TTBK2: variants seen among roughly 807,000 people sequenced by gnomAD.
TTBK2 encodes the protein tau-tubulin kinase 2.
Under a neutral mutation model 110.8 loss-of-function variants are expected in TTBK2, and 28 were observed. The ratio of observed to expected loss-of-function variants is 0.25; its 90% confidence interval spans 0.19 to 0.35. The LOEUF (loss-of-function observed/expected upper bound fraction) is 0.35. Ranked by LOEUF, TTBK2 falls within the 10% of genes least tolerant of loss-of-function variation. TTBK2 has a pLI of 1.00. For missense variants in TTBK2, 1,369 were observed against 1,500.3 expected (o/e 0.91, Z 1.45); for synonymous variants, 532 against 527.3 (o/e 1.01, Z -0.12).
At chr15:42,805,124 G>A (rs932024029) in intron 9 of TTBK2, among the ~76,000 whole-genome samples, 1 of 152,148 alleles carries the variant, frequency 6.6e-6, no homozygotes, top group African/African-American at 2.4e-5. Flanking sequence ...TGTCCTAGGT[G>A]CTGGGAATAC....
chr15:42,830,787 T>C (rs1480535250), intron 4 of TTBK2, among the ~76,000 whole-genome samples: 1 of 151,946 alleles, frequency 6.6e-6, no homozygotes, highest in Non-Finnish European at 1.5e-5. Context: ...GGGCGGATCA[T>C]GAGGTCAGGA....
At chr15:42,865,513 T>TA (rs60116704) in intron 3 of TTBK2, among the ~76,000 whole-genome samples, 20,654 of 109,098 alleles carry the variant, frequency 0.19, 1,614 homozygotes, top group African/African-American at 0.26. Flanking sequence ...ATAATAATAC[T>TA]AAAAAAAAAA....
chr15:42,848,253 C>T (rs1207845704), intron 3 of TTBK2, among the ~76,000 whole-genome samples: 3 of 152,016 alleles, frequency 2.0e-5, no homozygotes, highest in Non-Finnish European at 4.4e-5. Flanking sequence ...TTTGGCTACT[C>T]TAGGTCCTTT....
In TTBK2 at chr15:42,829,347, C is replaced by T. The variant is rs544228454; in HGVS notation, c.432+591G>A. 3.3e-5 allele frequency among the ~76,000 whole-genome samples: 5 copies of T among 152,290 alleles called. 2 individuals are homozygous for T. Among genetic ancestry groups the T allele is most frequent in the African/African-American group, 1.2e-4 (5 of 41,552 alleles). On this transcript the variant is annotated intron_variant, in intron 5 of 14. Coordinates refer to ENST00000267890, the MANE Select transcript of TTBK2 (RefSeq NM_173500.4). ...GTCAGGAGAAAAATAAGGTCTTTCA[C>T]AACTGATGATTTCTTATAATTTTTG...
At chr15:42,829,593 G>A (rs1892666928) in intron 5 of TTBK2, among the ~76,000 whole-genome samples, 1 of 152,134 alleles carries the variant, frequency 6.6e-6, no homozygotes, top group Non-Finnish European at 1.5e-5. Context: ...GCTATCCACA[G>A]GAGCGATCAT....
chr15:42,876,316 A>G (rs1255600441), intron 2 of TTBK2, among the ~76,000 whole-genome samples: 1 of 152,138 alleles, frequency 6.6e-6, no homozygotes, highest in East Asian at 1.9e-4. Context: ...CAGATATATT[A>G]GTTCTAATTA....
At chr15:42,806,905 C>T (rs1891492737) in intron 9 of TTBK2, among the ~76,000 whole-genome samples, 1 of 151,706 alleles carries the variant, frequency 6.6e-6, no homozygotes, top group Admixed American at 6.6e-5. Context: ...CCAGTGTGGC[C>T]CAGGGAAGCC....
At chr15:42,784,058 G>A (rs1890302275) in intron 10 of TTBK2, among the ~76,000 whole-genome samples, 2 of 150,484 alleles carry the variant, frequency 1.3e-5, no homozygotes, top group South Asian at 4.2e-4. Context: ...CGAGACTCCA[G>A]CTCAAAAAAC....
At chr15:42,822,383 T>C (rs1309685637) in intron 6 of TTBK2, among the ~76,000 whole-genome samples, 2 of 152,122 alleles carry the variant, frequency 1.3e-5, no homozygotes, top group African/African-American at 4.8e-5. Flanking sequence ...TGAAAGTATT[T>C]AACAATCTAT....
At chr15:42,865,372 A>C (rs565283888) in intron 3 of TTBK2, among the ~76,000 whole-genome samples, 6 of 152,202 alleles carry the variant, frequency 3.9e-5, no homozygotes, top group Non-Finnish European at 8.8e-5. Context: ...AGGTGGGAGG[A>C]TCACTTGAGC....
At chr15:42,872,897 T>C in intron 2 of TTBK2, 139 bp from the exon 3 acceptor site, 1 of 1,075,100 alleles carries the variant, frequency 9.3e-7, no homozygotes, top group South Asian at 1.8e-5. Context: ...TTAAATTAAC[T>C]ATGTATATGC....
chr15:42,879,004 G>A (rs1454863247), intron 1 of TTBK2, among the ~76,000 whole-genome samples: 3 of 152,160 alleles, frequency 2.0e-5, no homozygotes, highest in Non-Finnish European at 4.4e-5. Context: ...ACTATCCTGA[G>A]AACAATATAC....
At chr15:42,800,354 T>C in intron 9 of TTBK2, 2 of 411,770 alleles carry the variant, frequency 4.9e-6, no homozygotes, top group South Asian at 3.6e-5. Flanking sequence ...TGGCAATCAG[T>C]CATCTGACAT....
At chr15:42,821,009 C>G (rs1892269243) in intron 6 of TTBK2, among the ~76,000 whole-genome samples, 1 of 151,582 alleles carries the variant, frequency 6.6e-6, no homozygotes, top group South Asian at 2.1e-4. Flanking sequence ...CCACTCCACT[C>G]CAGCTTGGGT....
chr15:42,918,088 T>C (rs911940966), intron 1 of TTBK2, among the ~76,000 whole-genome samples: 4 of 146,450 alleles, frequency 2.7e-5, no homozygotes, highest in African/African-American at 1.0e-4. Context: ...TATTTATTTA[T>C]TTCAAGAGAT....
chr15:42,907,416 G>A (rs1057347470), intron 1 of TTBK2, among the ~76,000 whole-genome samples: 2 of 152,142 alleles, frequency 1.3e-5, no homozygotes, highest in South Asian at 4.1e-4. Context: ...CAGCCAAAAT[G>A]GAATCAACCT....
chr15:42,821,035 T>C (rs1196512867), intron 6 of TTBK2, among the ~76,000 whole-genome samples: 2 of 151,270 alleles, frequency 1.3e-5, no homozygotes, highest in African/African-American at 4.9e-5. Flanking sequence ...AGTGAGACTT[T>C]GTCTAAAAGA....
At chr15:42,801,352 C>A in intron 9 of TTBK2, 1 of 1,543,850 alleles carries the variant, frequency 6.5e-7, no homozygotes, top group Non-Finnish European at 9.0e-7. Flanking sequence ...GCCTCCAGCT[C>A]AGACAGCTTG....
chr15:42,914,142 A>C (rs2030953913), intron 1 of TTBK2, among the ~76,000 whole-genome samples: 1 of 151,782 alleles, frequency 6.6e-6, no homozygotes, highest in East Asian at 1.9e-4. Flanking sequence ...ATACCCGGCT[A>C]ATTTTTATAT....
Sources: allele counts gnomAD v4.1 joint callset (sites outside exome capture counted in the v4.1 genomes callset), GRCh38; gene constraint gnomAD v4.1.1; transcripts MANE v1.5; gene names NCBI Gene and HGNC (gene_info 2026-07-23, HGNC 2026-07-21).